Variants in FSTL5 observed in about 807,000 individuals in gnomAD.
The protein encoded by FSTL5 is follistatin like 5.
FSTL5 carries 62 observed loss-of-function variants against 89.1 expected under a neutral mutation model. That is an observed-to-expected ratio of 0.70 (90% confidence interval 0.57 to 0.86). FSTL5 has a LOEUF of 0.86. Among genes scored for constraint, FSTL5 ranks in the 40% least tolerant of loss-of-function variants. FSTL5 has a pLI of 0.00. For missense variants in FSTL5, 1,057 were observed against 1,001.6 expected (o/e 1.06, Z -0.75); for synonymous variants, 383 against 346.2 (o/e 1.11, Z -1.18).
At chr4:161,923,182 C>T (rs895584593) in intron 3 of FSTL5, among the ~76,000 whole-genome samples, 2 of 151,836 alleles carry the variant, frequency 1.3e-5, no homozygotes, top group African/African-American at 4.8e-5. Context: ...CTATGTTTGG[C>T]CTATAATAGC....
chr4:161,529,808 T>C lies in FSTL5; in HGVS notation c.1312+8358A>G, dbSNP rs201400132. On this transcript the variant is annotated intron_variant, in intron 10 of 15. Transcript: ENST00000306100. The stretch of plus-strand genomic sequence containing the variant: ...TTTATCTTTATGGATTTTTGCTGTA[T>C]GTTATTATTCTATCTATCTCACAGT... 2.8e-5 allele frequency among the ~76,000 whole-genome samples: 4 copies of C among 143,082 alleles called. No individual in the cohort carries two copies. The East Asian group carries it at 9.6e-4, about 34-fold the overall frequency. 93.9% of individuals were successfully genotyped at this position (143,082 alleles called of 152,430 possible). A position where few individuals can be genotyped will look rare whatever the true frequency, so the allele number is the denominator to read the frequency against.
At chr4:161,882,427 C>T (rs1732663481) in intron 4 of FSTL5, among the ~76,000 whole-genome samples, 4 of 152,096 alleles carry the variant, frequency 2.6e-5, no homozygotes, top group African/African-American at 9.7e-5. Flanking sequence ...AAAATTGTAT[C>T]ACTTGGAAAA....
chr4:161,493,116 G>A (rs1169033148), intron 12 of FSTL5, among the ~76,000 whole-genome samples: 1 of 151,680 alleles, frequency 6.6e-6, no homozygotes, highest in African/African-American at 2.4e-5. Context: ...CCAGTGTTCA[G>A]AAACTTATAG....
At chr4:161,596,432 A>G (rs1220815111) in intron 7 of FSTL5, among the ~76,000 whole-genome samples, 1 of 151,908 alleles carries the variant, frequency 6.6e-6, no homozygotes, top group Non-Finnish European at 1.5e-5. Flanking sequence ...AGCAAAACCA[A>G]AATGATGAGA....
In FSTL5 at chr4:161,605,005, T is replaced by C. The variant is rs535704037; in HGVS notation, c.895-17430A>G. On this transcript the variant is annotated intron_variant, in intron 7 of 15. Transcript: ENST00000306100. Reference sequence around the variant, plus strand: ...GATAGAGGCAATGCATTATAACGAGTACCTAAATTTTCAATATATGGCAGG... The same window carrying C: ...GATAGAGGCAATGCATTATAACGAGCACCTAAATTTTCAATATATGGCAGG... 4.6e-5 allele frequency among the ~76,000 whole-genome samples: 7 copies of C among 152,256 alleles called. 1 individual carries two copies. The South Asian group carries it at 1.2e-3, about 27-fold the overall frequency.
chr4:162,082,968 G>C (rs1431513810), intron 2 of FSTL5, among the ~76,000 whole-genome samples: 1 of 151,498 alleles, frequency 6.6e-6, no homozygotes, highest in East Asian at 1.9e-4. Context: ...ATACAAATTT[G>C]AATGGTAAGT....
At chr4:162,154,924 T>C (rs1733408338) in intron 1 of FSTL5, among the ~76,000 whole-genome samples, 1 of 152,176 alleles carries the variant, frequency 6.6e-6, no homozygotes, top group African/African-American at 2.4e-5. Context: ...GACTGTCTAC[T>C]ACACAGTTTA....
intron 8 of FSTL5, among the ~76,000 whole-genome samples, chr4:161,554,711 C>T (rs1236608862): frequency 6.6e-6 from 1 of 151,596 alleles, no homozygotes; most frequent in Non-Finnish European, 1.5e-5. Flanking sequence ...TATCATGGCT[C>T]TTCCACAAAT....
In FSTL5 at chr4:161,656,329, T is replaced by C. The variant is rs1464635217; in HGVS notation, c.893A>G (p.Asn298Ser). Residue 298 changes from asparagine (N) to serine (S), a missense_variant and splice_region_variant, in exon 7 of 16, where the codon AAT becomes AGT. Asn to Ser is a conservative substitution (Grantham distance 46, BLOSUM62 1). This residue lies in a region of FSTL5 where 980 missense variants were observed against 903.2 expected (regional missense o/e 1.08). Coordinates refer to ENST00000306100, the MANE Select transcript of FSTL5 (RefSeq NM_020116.5). ...AAGCAACTATATTTATGTACTCACA[T>C]TGATGTCTTCCAAATCTAAATTATT... ...ILNNLDLEDI[N>S]DFGDDGSLYI... 8 of 1,517,204 alleles carry C rather than the reference T, an allele frequency of 5.3e-6. No individual in the cohort carries two copies. The highest frequency in any genetic ancestry group is 4.2e-5 in the African/African-American group (3 of 71,840). 94.0% of individuals were successfully genotyped at this position (1,517,204 alleles called of 1,614,324 possible).
At position 161,583,809 on chromosome 4, in the gene FSTL5, G is replaced by T. The variant is rs1336185894; in HGVS notation, c.1015+3646C>A. ...AGCTGCTTTGAGAAAATGCTTTGAG[G>T]TATTGCATATCTTCCTCTCTAGTAC... On this transcript the variant is annotated intron_variant, in intron 8 of 15. Transcript: ENST00000306100. Among the ~76,000 whole-genome samples, 16 of 152,114 alleles carry T rather than the reference G, an allele frequency of 1.1e-4. No homozygotes were observed. The South Asian group carries it at 2.5e-3, about 24-fold the overall frequency.
At chr4:162,104,951 TAC>T (rs1325184069) in intron 2 of FSTL5, among the ~76,000 whole-genome samples, 2 of 152,148 alleles carry the variant, frequency 1.3e-5, no homozygotes, top group Middle Eastern at 3.2e-3. Context: ...ATCATTATAA[TAC>T]AGAGTTCCTT....
intron 2 of FSTL5, among the ~76,000 whole-genome samples, chr4:162,082,841 G>T (rs779371509): frequency 3.3e-5 from 5 of 150,732 alleles, no homozygotes; most frequent in African/African-American, 7.3e-5. Context: ...TGGAGACAAG[G>T]TATAAAATAA....
At chr4:161,940,478 A>G (rs1734549814) in intron 3 of FSTL5, among the ~76,000 whole-genome samples, 1 of 151,868 alleles carries the variant, frequency 6.6e-6, no homozygotes, top group Non-Finnish European at 1.5e-5. Flanking sequence ...CCCAATTATA[A>G]AGAAACTTTT....
chr4:161,873,532 C>T (rs942175018), intron 4 of FSTL5, among the ~76,000 whole-genome samples: 2 of 147,464 alleles, frequency 1.4e-5, no homozygotes, highest in Non-Finnish European at 3.0e-5. Context: ...ACCCTCCCTC[C>T]ATCCCACACT....
chr4:161,557,650 C>G lies in FSTL5; in HGVS notation c.1016-14957G>C, dbSNP rs138918730. ...GTAAGTACAAGGATGATTATGTACACACTGCATATAAGAGTAACTTGTGAA... is the reference window on the plus strand; with the variant it reads ...GTAAGTACAAGGATGATTATGTACAGACTGCATATAAGAGTAACTTGTGAA... On this transcript the variant is annotated intron_variant, in intron 8 of 15. Coordinates refer to ENST00000306100, the MANE Select transcript of FSTL5 (RefSeq NM_020116.5). 4.6e-4 allele frequency among the ~76,000 whole-genome samples: 70 copies of G among 151,760 alleles called. No individual in the cohort carries two copies. The East Asian group carries it at 9.0e-3, about 19-fold the overall frequency.
chr4:161,430,392 G>C (rs757612835), intron 15 of FSTL5, among the ~76,000 whole-genome samples: 1 of 152,078 alleles, frequency 6.6e-6, no homozygotes, highest in South Asian at 2.1e-4. Flanking sequence ...AGTCAAAAAG[G>C]TTATAGAACA....
intron 5 of FSTL5, among the ~76,000 whole-genome samples, chr4:161,762,566 C>T (rs1261967104): frequency 6.6e-6 from 1 of 152,080 alleles, no homozygotes; most frequent in Non-Finnish European, 1.5e-5. Context: ...TTCATTATCT[C>T]ATGCTATTTT....
intron 15 of FSTL5, among the ~76,000 whole-genome samples, chr4:161,437,564 T>TAA (rs1553986225): frequency 8.0e-5 from 2 of 25,034 alleles, no homozygotes; most frequent in Admixed American, 4.6e-4. Context: ...AGACTCCGTC[T>TAA]CAAAAAAAAA....
chr4:161,975,617 T>C (rs62331247), intron 3 of FSTL5, among the ~76,000 whole-genome samples: 1 of 89,868 alleles, frequency 1.1e-5, no homozygotes, highest in Non-Finnish European at 2.2e-5. Flanking sequence ...GTGGGGGGAG[T>C]GGGGAGGGAT....
Sources: gnomAD v4.1 joint callset for allele counts (sites outside exome capture counted in the v4.1 genomes callset) on GRCh38, gnomAD v4.1.1 for gene constraint, gnomAD v4.1.1 regional missense constraint, MANE v1.5 for transcripts, NCBI Gene and HGNC (gene_info 2026-07-23, HGNC 2026-07-21) for gene names.